MAGI3: variants seen among roughly 807,000 people sequenced by gnomAD.
MAGI3 encodes membrane-associated guanylate kinase, WW and PDZ domain-containing protein 3.
MAGI3 carries 43 observed loss-of-function variants against 121.8 expected under a neutral mutation model. The ratio of observed to expected loss-of-function variants is 0.35; its 90% CI spans 0.28 to 0.46. The LOEUF (loss-of-function observed/expected upper bound fraction) is 0.46. Among genes scored for constraint, MAGI3 ranks in the 20% least tolerant of loss-of-function variants. The probability of loss-of-function intolerance (pLI) is 1.00; values close to 1 mark genes in which losing one functional copy is unlikely to be tolerated. For missense variants in MAGI3, 1,547 were observed against 1,797.3 expected (o/e 0.86, Z 2.52); for synonymous variants, 553 against 639.3 (o/e 0.86, Z 2.04).
intron 1 of MAGI3, among the ~76,000 whole-genome samples, chr1:113,516,115 T>G (rs1657886461): frequency 6.6e-6 from 1 of 152,038 alleles, no homozygotes; most frequent in East Asian, 1.9e-4. Context: ...CATGTTTAAC[T>G]TCATGTAGGT....
chr1:113,641,848 T>C, intron 9 of MAGI3, 63 bp from the exon 10 acceptor site: 1 of 1,467,350 alleles, frequency 6.8e-7, no homozygotes, highest in Non-Finnish European at 9.1e-7. Flanking sequence ...TTTTTGCCCC[T>C]CTAGCAAAAA....
At chr1:113,443,274 T>C (rs930153866) in intron 1 of MAGI3, among the ~76,000 whole-genome samples, 2 of 152,186 alleles carry the variant, frequency 1.3e-5, no homozygotes, top group Non-Finnish European at 2.9e-5. Context: ...GTTCCAGTAG[T>C]TCTGATTAGA....
intron 9 of MAGI3, among the ~76,000 whole-genome samples, chr1:113,627,894 C>T (rs1365353147): frequency 1.3e-5 from 2 of 151,998 alleles, no homozygotes; most frequent in South Asian, 4.2e-4. Flanking sequence ...TCCTTTATTT[C>T]CATTCTATGT....
intron 1 of MAGI3, among the ~76,000 whole-genome samples, chr1:113,539,409 A>G (rs1659167565): frequency 6.6e-6 from 1 of 151,658 alleles, no homozygotes; most frequent in Non-Finnish European, 1.5e-5. Context: ...AAAAAAAAAG[A>G]AAAAGCAAAA....
intron 1 of MAGI3, among the ~76,000 whole-genome samples, chr1:113,533,037 G>A (rs1168803241): frequency 6.6e-6 from 1 of 152,166 alleles, no homozygotes; most frequent in Middle Eastern, 3.4e-3. Flanking sequence ...TATTGGTCTC[G>A]TTACCTGTGT....
intron 2 of MAGI3, among the ~76,000 whole-genome samples, chr1:113,555,447 A>G (rs1169327341): frequency 2.0e-5 from 3 of 152,234 alleles, no homozygotes; most frequent in African/African-American, 7.2e-5. Context: ...AAACATGAAC[A>G]GTATTTTCAA....
At chr1:113,655,812 A>C (rs1424166560) in intron 15 of MAGI3, among the ~76,000 whole-genome samples, 1 of 152,146 alleles carries the variant, frequency 6.6e-6, no homozygotes, top group African/African-American at 2.4e-5. Flanking sequence ...CATGAATGTG[A>C]GGATTAAAGG....
chr1:113,447,957 C>G (rs916926219), intron 1 of MAGI3, among the ~76,000 whole-genome samples: 4 of 152,114 alleles, frequency 2.6e-5, no homozygotes, highest in African/African-American at 9.7e-5. Context: ...TCTGCTTAGC[C>G]CCTGGCAACC....
intron 1 of MAGI3, among the ~76,000 whole-genome samples, chr1:113,410,251 A>C (rs536841558): frequency 6.6e-6 from 1 of 151,976 alleles, no homozygotes; most frequent in Non-Finnish European, 1.5e-5. Context: ...CTTTTGAGGC[A>C]TTGGGAAGCC....
chr1:113,558,900 G>A (rs1660103817), intron 2 of MAGI3, among the ~76,000 whole-genome samples: 1 of 152,080 alleles, frequency 6.6e-6, no homozygotes, highest in South Asian at 2.1e-4. Flanking sequence ...GAAGAGATTG[G>A]GGCCAGTAGT....
chr1:113,449,360 GGTGTGTGT>G (rs71087199), intron 1 of MAGI3, among the ~76,000 whole-genome samples: 15 of 147,330 alleles, frequency 1.0e-4, no homozygotes, highest in African/African-American at 2.7e-4. Context: ...TTACTTTTAT[GGTGTGTGT>G]GTGTGTGTGT....
intron 1 of MAGI3, among the ~76,000 whole-genome samples, chr1:113,416,182 A>AT (rs1211849715): frequency 4.9e-5 from 5 of 102,984 alleles, no homozygotes; most frequent in African/African-American, 1.5e-4. Context: ...TTAATGACAC[A>AT]TATTAATTAT....
chr1:113,593,330 C>T (rs779106955), intron 5 of MAGI3, among the ~76,000 whole-genome samples: 23 of 152,144 alleles, frequency 1.5e-4, no homozygotes, highest in South Asian at 4.1e-4. Context: ...TCACTTGAGC[C>T]GAGGAGTTCA....
intron 2 of MAGI3, among the ~76,000 whole-genome samples, chr1:113,565,988 CTTTAG>C (rs1660421237): frequency 6.6e-6 from 1 of 152,162 alleles, no homozygotes. Context: ...AATTATTAAA[CTTTAG>C]TTTGTGCAGG....
chr1:113,449,288 T>C (rs1439748202), intron 1 of MAGI3, among the ~76,000 whole-genome samples: 1 of 151,876 alleles, frequency 6.6e-6, no homozygotes, highest in Non-Finnish European at 1.5e-5. Context: ...AATGCATGAG[T>C]GGTGAATTTC....
At chr1:113,533,325 A>T (rs1165908173) in intron 1 of MAGI3, among the ~76,000 whole-genome samples, 2 of 152,232 alleles carry the variant, frequency 1.3e-5, no homozygotes, top group Non-Finnish European at 2.9e-5. Context: ...TAAATCAATT[A>T]ACACAACAAC....
Position 113,584,966 on chromosome 1 carries a change from C to CAATTTTTTTTTTTTT in MAGI3, c.554-421_554-420insAATTTTTTTTTTTTT, listed in dbSNP as rs61622151. Among the ~76,000 whole-genome samples, 9 of 110,730 alleles carry CAATTTTTTTTTTTTT rather than the reference C, an allele frequency of 8.1e-5. 3 individuals are homozygous for CAATTTTTTTTTTTTT. The highest frequency in any genetic ancestry group is 2.0e-4 in the Admixed American group (2 of 10,014). 72.6% of individuals were successfully genotyped at this position (110,730 alleles called of 152,430 possible). ...TCCTTTTGGCCAATGGTAGATATTTCCTTTTTTTTTTTTTTTTTTTTTTGA... is the reference window on the plus strand; with the variant it reads ...TCCTTTTGGCCAATGGTAGATATTTCAATTTTTTTTTTTTTCTTTTTTTTTTTTTTTTTTTTTTGA... On this transcript the variant is annotated intron_variant, in intron 3 of 20. Coordinates refer to ENST00000307546, the MANE Select transcript of MAGI3 (RefSeq NM_001142782.2).
At chr1:113,550,757 C>CA (rs375232110) in intron 2 of MAGI3, among the ~76,000 whole-genome samples, 9,891 of 108,038 alleles carry the variant, frequency 0.092, 364 homozygotes, top group African/African-American at 0.11. Flanking sequence ...ACCCTCAACT[C>CA]AAAAAAAAAA....
intron 3 of MAGI3, among the ~76,000 whole-genome samples, chr1:113,581,441 C>G (rs777283576): frequency 6.6e-6 from 1 of 152,148 alleles, no homozygotes; most frequent in African/African-American, 2.4e-5. Flanking sequence ...AATTCTTCAT[C>G]ATTTCTCTCT....
Sources: gnomAD v4.1 joint callset for allele counts (sites outside exome capture counted in the v4.1 genomes callset) on GRCh38, gnomAD v4.1.1 for gene constraint, MANE v1.5 for transcripts, NCBI Gene and HGNC (gene_info 2026-07-23, HGNC 2026-07-21) for gene names.